ADAMTSL1: variants seen among roughly 807,000 people sequenced by gnomAD.
ADAMTSL1 encodes ADAMTS like 1.
Under a neutral mutation model 201.8 loss-of-function variants are expected in ADAMTSL1, and 126 were observed. That is an observed-to-expected ratio of 0.62 (90% CI 0.54 to 0.72). The LOEUF (loss-of-function observed/expected upper bound fraction) is 0.72, where lower values mean the gene tolerates loss of function less well. Ranked by LOEUF, ADAMTSL1 falls within the 30% of genes least tolerant of loss-of-function variation. ADAMTSL1 has a pLI of 0.00. For missense variants in ADAMTSL1, 2,679 were observed against 2,277.8 expected, an observed-to-expected ratio of 1.18 and a Z score of -3.59; for synonymous variants, 1,121 against 903.4, an observed-to-expected ratio of 1.24 and a Z score of -4.32.
At chr9:18,547,632 AT>A (rs1444230573) in intron 3 of ADAMTSL1, among the ~76,000 whole-genome samples, 1,804 of 100,338 alleles carry the variant, frequency 0.018, 23 homozygotes, top group African/African-American at 0.062. Context: ...GTATATATAT[AT>A]AAAAAAAAAA....
chr9:18,634,898 A>AATAGAT (rs1827011212), intron 5 of ADAMTSL1, among the ~76,000 whole-genome samples: 1 of 127,066 alleles, frequency 7.9e-6, no homozygotes. Flanking sequence ...TATGTATGTA[A>AATAGAT]ATATATATTT....
At chr9:18,365,416 A>G (rs1323741408) in intron 2 of ADAMTSL1, among the ~76,000 whole-genome samples, 1 of 152,190 alleles carries the variant, frequency 6.6e-6, no homozygotes, top group Non-Finnish European at 1.5e-5. Flanking sequence ...AAAGCAAAGG[A>G]TTGATTAACA....
intron 2 of ADAMTSL1, among the ~76,000 whole-genome samples, chr9:18,256,057 G>T (rs527928160): frequency 6.6e-6 from 1 of 152,096 alleles, no homozygotes; most frequent in African/African-American, 2.4e-5. Flanking sequence ...TCTTCCAACC[G>T]AAAAGCATAA....
intron 1 of ADAMTSL1, among the ~76,000 whole-genome samples, chr9:17,916,567 G>C (rs1010159364): frequency 1.3e-5 from 2 of 152,086 alleles, no homozygotes; most frequent in Non-Finnish European, 2.9e-5. Flanking sequence ...TTTTTGCAAA[G>C]ACCATCCTTT....
At chr9:18,366,823 G>A (rs1836789997) in intron 2 of ADAMTSL1, among the ~76,000 whole-genome samples, 1 of 151,754 alleles carries the variant, frequency 6.6e-6, no homozygotes, top group African/African-American at 2.4e-5. Context: ...GGCCAGGCTG[G>A]TCTCAAACTC....
intron 1 of ADAMTSL1, among the ~76,000 whole-genome samples, chr9:17,909,006 T>C (rs1264374492): frequency 3.0e-4 from 45 of 149,156 alleles, no homozygotes; most frequent in Non-Finnish European, 4.2e-4. Flanking sequence ...TTTTAATGAT[T>C]GCCATTCTAA....
chr9:18,284,177 C>T (rs1325797616), intron 2 of ADAMTSL1, among the ~76,000 whole-genome samples: 2 of 150,182 alleles, frequency 1.3e-5, no homozygotes, highest in African/African-American at 4.9e-5. Flanking sequence ...TGCAGTGAGC[C>T]GAGGTCACAC....
At chr9:18,217,913 C>G (rs1383656994) in intron 2 of ADAMTSL1, among the ~76,000 whole-genome samples, 2 of 151,752 alleles carry the variant, frequency 1.3e-5, no homozygotes, top group Non-Finnish European at 2.9e-5. Flanking sequence ...GCCCACCCAA[C>G]TTGGGAGTGG....
chr9:18,658,082 C>G (rs544992921), intron 8 of ADAMTSL1, among the ~76,000 whole-genome samples: 87 of 151,482 alleles, frequency 5.7e-4, no homozygotes, highest in African/African-American at 2.1e-3. Context: ...TCACGCCATT[C>G]TCCTGCCTCA....
At chr9:18,508,508 T>C (rs1308104985) in intron 2 of ADAMTSL1, among the ~76,000 whole-genome samples, 2 of 152,232 alleles carry the variant, frequency 1.3e-5, no homozygotes, top group Non-Finnish European at 2.9e-5. Context: ...TCATTATCTT[T>C]TAAGTTGTCA....
In ADAMTSL1 at chr9:18,906,817, A is replaced by G; in HGVS notation, c.5087A>G (p.His1696Arg). 6.2e-7 allele frequency: 1 copy of G among 1,614,002 alleles called. No individual in the cohort carries two copies. Among genetic ancestry groups the G allele is most frequent in the East Asian group, 2.2e-5 (1 of 44,870 alleles). The change falls in exon 28 of 29, where the codon CAT (histidine) becomes CGT (arginine). Residue 1696 changes from histidine (H) to arginine (R), a missense_variant. His to Arg is a conservative substitution (Grantham distance 29). Coordinates refer to ENST00000380548, the MANE Select transcript of ADAMTSL1 (RefSeq NM_001040272.6). ...GFQSRRVECVHARTNKAVPEH... is the reference protein window; with the variant it reads ...GFQSRRVECVRARTNKAVPEH... ...CAGTCCCGGCGTGTGGAGTGTGTGCATGCCCGCACCAACAAGGCAGTGCCT... is the reference window on the plus strand; with the variant it reads ...CAGTCCCGGCGTGTGGAGTGTGTGCGTGCCCGCACCAACAAGGCAGTGCCT...
intron 4 of ADAMTSL1, among the ~76,000 whole-genome samples, chr9:18,618,482 A>G (rs1386384762): frequency 6.6e-6 from 1 of 152,054 alleles, no homozygotes; most frequent in Non-Finnish European, 1.5e-5. Flanking sequence ...TAGACATGTT[A>G]ATAAACTCAA....
In ADAMTSL1 at chr9:18,099,286, G is replaced by C. The variant is rs186888527; in HGVS notation, c.88-64576G>C. ...TGATTAGAATCTCATTTTCTTTCCC[G>C]AGTAAGTCACTGGCTGTTTTTGCTT... On this transcript the variant is annotated intron_variant, in intron 1 of 29. Coordinates refer to the ADAMTSL1 transcript ENST00000680146. Among the ~76,000 whole-genome samples, 195 of 135,588 alleles carry C rather than the reference G, an allele frequency of 1.4e-3. 1 individual carries two copies. The highest frequency in any genetic ancestry group is 0.013 in the Admixed American group (171 of 12,982). The allele number at this position is 135,588 out of a possible 152,430, so 89.0% of individuals were successfully genotyped here.
intron 4 of ADAMTSL1, among the ~76,000 whole-genome samples, chr9:18,579,352 G>T (rs1430672742): frequency 8.1e-6 from 1 of 123,894 alleles, no homozygotes; most frequent in African/African-American, 3.0e-5. Context: ...TGGTGGGGAG[G>T]GGGGAGGGGG....
chr9:18,621,417 G>A (rs1826024581), intron 4 of ADAMTSL1, among the ~76,000 whole-genome samples: 1 of 152,130 alleles, frequency 6.6e-6, no homozygotes, highest in Admixed American at 6.6e-5. Flanking sequence ...CTCAACTATA[G>A]AATGGAGATA....
intron 2 of ADAMTSL1, among the ~76,000 whole-genome samples, chr9:18,394,219 A>G (rs114641231): frequency 0.019 from 2,937 of 152,236 alleles, 94 homozygotes; most frequent in African/African-American, 0.067. Flanking sequence ...TTGACCAATA[A>G]AAATTAGCGG....
rs1483505766 is a variant in ADAMTSL1, at chr9:18,722,179, C to T, written c.2006+514C>T. Among the ~76,000 whole-genome samples the T allele has an allele frequency of 2.0e-5, 3 of 152,130 alleles. No individual in the cohort carries two copies. In the East Asian group the frequency reaches 5.8e-4, roughly 29 times the overall value. The stretch of plus-strand genomic sequence containing the variant: ...TCCACATGCGTAAAATCAATTAGAG[C>T]ATTTCATTGTTCAGCCCTGCCTGGG... On this transcript the variant is annotated intron_variant, in intron 15 of 28. Transcript: ENST00000380548.
At chr9:18,662,175 T>G (rs2133029140) in intron 9 of ADAMTSL1, 102 bp downstream of exon 9, 1 of 1,407,952 alleles carries the variant, frequency 7.1e-7, no homozygotes, top group South Asian at 1.4e-5. Context: ...AAAATGAAAT[T>G]AAACATCAAT....
intron 1 of ADAMTSL1, among the ~76,000 whole-genome samples, chr9:17,953,593 C>A (rs963065136): frequency 1.4e-4 from 21 of 152,266 alleles, no homozygotes; most frequent in African/African-American, 4.3e-4. Flanking sequence ...TGGTTTAATA[C>A]TCTGAAAACT....
Sources: gnomAD v4.1 joint callset for allele counts (sites outside exome capture counted in the v4.1 genomes callset) on GRCh38, gnomAD v4.1.1 for gene constraint, MANE v1.5 for transcripts, NCBI Gene and HGNC (gene_info 2026-07-23, HGNC 2026-07-21) for gene names.